CACNB4: variants seen among roughly 807,000 people sequenced by gnomAD.
CACNB4 encodes the protein voltage-dependent L-type calcium channel subunit beta-4.
A neutral mutation model predicts 71.2 loss-of-function variants in CACNB4; 32 were observed. The ratio of observed to expected loss-of-function variants is 0.45; its 90% CI spans 0.34 to 0.60. The LOEUF (loss-of-function observed/expected upper bound fraction) is 0.60. Among genes scored for constraint, CACNB4 ranks in the 20% least tolerant of loss-of-function variants. CACNB4 has a pLI of 0.01. For missense variants in CACNB4, 464 were observed against 647.9 expected (o/e 0.72, Z 3.08); for synonymous variants, 231 against 236.9 (o/e 0.97, Z 0.23).
chr2:151,843,549 C>A (rs1417489260), intron 12 of CACNB4, among the ~76,000 whole-genome samples: 1 of 152,146 alleles, frequency 6.6e-6, no homozygotes, highest in Non-Finnish European at 1.5e-5. Flanking sequence ...CTCCTGGGCT[C>A]CAGCGATCCT....
intron 2 of CACNB4, among the ~76,000 whole-genome samples, chr2:152,044,731 G>T (rs117385141): frequency 6.6e-6 from 1 of 152,192 alleles, no homozygotes; most frequent in Non-Finnish European, 1.5e-5. Flanking sequence ...TGGCTGGAAT[G>T]AGTTTTCCCT....
chr2:151,924,915 C>T (rs1444331136), intron 2 of CACNB4, among the ~76,000 whole-genome samples: 2 of 152,046 alleles, frequency 1.3e-5, no homozygotes, highest in Non-Finnish European at 2.9e-5. Flanking sequence ...TTCAAGGAAT[C>T]CCACGCAATG....
Position 151,839,239 on chromosome 2 carries a change from G to T in CACNB4, c.1443C>A (p.Ser481Arg). Residue 481 changes from serine (S) to arginine (R), a missense_variant, in exon 14 of 14, where the codon AGC (serine) becomes AGA (arginine). Ser to Arg is a moderately radical substitution (Grantham distance 110). Coordinates refer to ENST00000539935, the MANE Select transcript of CACNB4 (RefSeq NM_000726.5). ...RNRLSSSSQHSRDHYPLVEED... is the reference protein window; with the variant it reads ...RNRLSSSSQHRRDHYPLVEED... ...CTTCCACAAGAGGGTAATGATCTCG[G>T]CTATGCTGAGAACTGGAAGACAAGC... The T allele has an allele frequency of 6.2e-7, 1 of 1,613,724 alleles. No homozygotes were observed. The highest frequency in any genetic ancestry group is 2.2e-5 in the East Asian group (1 of 44,868).
intron 2 of CACNB4, among the ~76,000 whole-genome samples, chr2:151,929,526 A>G (rs1200882452): frequency 2.0e-5 from 3 of 152,200 alleles, no homozygotes; most frequent in East Asian, 1.9e-4. Flanking sequence ...AAAAGATACC[A>G]TTGTCTTTGT....
chr2:151,864,949 G>A (rs549476185), intron 9 of CACNB4, among the ~76,000 whole-genome samples: 4 of 152,290 alleles, frequency 2.6e-5, no homozygotes, highest in Non-Finnish European at 4.4e-5. Flanking sequence ...CCCAGAGTCC[G>A]TGAAATGTGG....
At chr2:152,054,365 CAAAAA>C (rs34291036) in intron 2 of CACNB4, among the ~76,000 whole-genome samples, 9 of 85,178 alleles carry the variant, frequency 1.1e-4, no homozygotes, top group African/African-American at 3.2e-4. Flanking sequence ...AACTCCGTCT[CAAAAA>C]AAAAAAAAAA....
chr2:151,924,313 C>T (rs1435574492), intron 2 of CACNB4, among the ~76,000 whole-genome samples: 2 of 151,538 alleles, frequency 1.3e-5, no homozygotes, highest in East Asian at 3.9e-4. Context: ...CTCCTGACCT[C>T]GTGATCTGCC....
chr2:151,963,195 C>T (rs2099870113), intron 2 of CACNB4, among the ~76,000 whole-genome samples: 2 of 151,630 alleles, frequency 1.3e-5, no homozygotes, highest in South Asian at 4.2e-4. Context: ...ACCTGTAGTC[C>T]CAGCTACATG....
intron 2 of CACNB4, among the ~76,000 whole-genome samples, chr2:151,922,125 A>G (rs544153949): frequency 2.6e-5 from 4 of 152,194 alleles, no homozygotes; most frequent in East Asian, 1.9e-4. Flanking sequence ...CAAGAACCCA[A>G]GTGATTACAT....
At chr2:151,872,563 G>A in intron 5 of CACNB4, 70 bp from the exon 6 acceptor site, 2 of 816,920 alleles carry the variant, frequency 2.4e-6, no homozygotes, top group Non-Finnish European at 2.1e-6. Context: ...AGAGTACAAA[G>A]CTTTCTTTGG....
rs1484571100 is a variant in CACNB4, at chr2:151,888,496, G to A, written c.148-5126C>T. Among the ~76,000 whole-genome samples the A allele has an allele frequency of 2.0e-5, 3 of 152,114 alleles. No individual in the cohort carries two copies. The East Asian group carries it at 5.8e-4, about 29-fold the overall frequency. Reference sequence around the variant, plus strand: ...TGGGAGGATTGCTTGAGCCCGGGAGGTGGAGGCTCCAGTGAGCCATGATGA... The same window carrying A: ...TGGGAGGATTGCTTGAGCCCGGGAGATGGAGGCTCCAGTGAGCCATGATGA... On this transcript the variant is annotated intron_variant, in intron 2 of 13. Transcript: ENST00000539935.
intron 2 of CACNB4, among the ~76,000 whole-genome samples, chr2:151,977,345 G>C (rs984994580): frequency 6.6e-6 from 1 of 152,172 alleles, no homozygotes; most frequent in South Asian, 2.1e-4. Context: ...AGGTATCCTT[G>C]CAATTTGACA....
intron 2 of CACNB4, among the ~76,000 whole-genome samples, chr2:151,889,098 A>G (rs1042569675): frequency 3.0e-4 from 46 of 152,240 alleles, no homozygotes; most frequent in African/African-American, 1.1e-3. Context: ...GCTGTGCGGT[A>G]GTAGACATTC....
At chr2:151,872,206 C>A in intron 6 of CACNB4, 1 of 504,076 alleles carries the variant, frequency 2.0e-6, no homozygotes, top group Non-Finnish European at 3.5e-6. Context: ...TAAGATTTTT[C>A]AAAATTATAT....
At chr2:151,950,075 A>G (rs1264084861) in intron 2 of CACNB4, among the ~76,000 whole-genome samples, 2 of 152,068 alleles carry the variant, frequency 1.3e-5, no homozygotes, top group South Asian at 2.1e-4. Flanking sequence ...ATAAAAATAG[A>G]AAATAGTCTT....
At chr2:151,963,941 C>T (rs891252288) in intron 2 of CACNB4, among the ~76,000 whole-genome samples, 3 of 152,022 alleles carry the variant, frequency 2.0e-5, no homozygotes, top group Admixed American at 6.6e-5. Context: ...TGGTGGCACA[C>T]ACCTGTAATC....
At chr2:151,883,687 A>T (rs762713599) in intron 2 of CACNB4, 122 of 359,966 alleles carry the variant, frequency 3.4e-4, no homozygotes, top group Non-Finnish European at 5.8e-5. Context: ...GTGAAACGTT[A>T]GTTTTCATCC....
At chr2:151,848,530 T>C (rs2099838196) in intron 12 of CACNB4, among the ~76,000 whole-genome samples, 1 of 152,196 alleles carries the variant, frequency 6.6e-6, no homozygotes, top group Admixed American at 6.5e-5. Flanking sequence ...CTGGGCACTA[T>C]CATTCGCTCC....
intron 2 of CACNB4, among the ~76,000 whole-genome samples, chr2:151,940,263 C>G (rs2099863914): frequency 6.6e-6 from 1 of 152,142 alleles, no homozygotes; most frequent in African/African-American, 2.4e-5. Flanking sequence ...AACTTCAAAC[C>G]AAACAGCATG....
Sources: allele counts gnomAD v4.1 joint callset (sites outside exome capture counted in the v4.1 genomes callset), GRCh38; gene constraint gnomAD v4.1.1; transcripts MANE v1.5; gene names NCBI Gene and HGNC (gene_info 2026-07-23, HGNC 2026-07-21).